ZNF707: variants seen among roughly 807,000 people sequenced by gnomAD.
The protein encoded by ZNF707 is zinc finger protein 707.
Under a neutral mutation model 13.3 loss-of-function variants are expected in ZNF707, and 8 were observed. The observed-to-expected ratio is 0.60, with a 90% CI of 0.35 to 1.09. ZNF707 has a LOEUF of 1.09. ZNF707 is among the 50% of genes least tolerant of loss of function. The pLI is 0.02. For missense variants in ZNF707, 530 were observed against 512.6 expected, an observed-to-expected ratio of 1.03 and a Z score of -0.33; for synonymous variants, 225 against 205.6, an observed-to-expected ratio of 1.09 and a Z score of -0.81.
chr8:143,691,994 C>A, intron 5 of ZNF707: 1 of 1,454,664 alleles, frequency 6.9e-7, no homozygotes, highest in Admixed American at 2.1e-5. Context: ...TTGAAGCCTG[C>A]ACCTAGCCAC....
chr8:143,690,076 G>A lies in ZNF707; in HGVS notation c.-33G>A, dbSNP rs1816663049. 8 of 1,609,214 alleles carry A rather than the reference G, an allele frequency of 5.0e-6. No homozygotes were observed. The highest frequency in any genetic ancestry group is 5.9e-6 in the Non-Finnish European group (7 of 1,179,784). On this transcript the variant is annotated 5_prime_UTR_variant, in exon 3 of 6. It adds an upstream start codon to the 5' untranslated region. Coordinates refer to ENST00000358656, the MANE Select transcript of ZNF707 (RefSeq NM_001100598.2). The stretch of plus-strand genomic sequence containing the variant: ...CCCCAGATCTGCCCTCCTTGGCACT[G>A]TGCTTCCCCAGAGGGGTGGCCTCGC...
At chr8:143,686,678 T>A (rs913838053) in intron 1 of ZNF707, among the ~76,000 whole-genome samples, 8 of 151,916 alleles carry the variant, frequency 5.3e-5, no homozygotes, top group African/African-American at 1.7e-4. Context: ...GAAAAAAAAA[T>A]TTAAACAATA....
At chr8:143,692,823 C>T (rs1388114623) in intron 5 of ZNF707, among the ~76,000 whole-genome samples, 4 of 96,892 alleles carry the variant, frequency 4.1e-5, no homozygotes, top group Non-Finnish European at 6.4e-5. Flanking sequence ...GTGGAGCCCC[C>T]GGCTGGGGAG....
Position 143,694,311 on chromosome 8 carries a change from C to A in ZNF707, c.897C>A (p.Thr299=). ...YCADCGKAFR[T]KENLSHHQRV... is the part of the protein sequence containing the mutation. Reference sequence around the variant, plus strand: ...CGGACTGCGGCAAAGCCTTCCGGACCAAGGAGAACCTCAGCCACCACCAGA... The same window carrying A: ...CGGACTGCGGCAAAGCCTTCCGGACAAAGGAGAACCTCAGCCACCACCAGA... The change falls in exon 6 of 6, where the codon ACC becomes ACA. Residue 299 remains threonine (T), a synonymous_variant. Transcript: ENST00000358656. The surrounding 1 kb of genome is among the most constrained non-coding windows in gnomAD (Gnocchi z 4.4). 1 of 1,601,426 alleles carries A rather than the reference C, an allele frequency of 6.2e-7. No individual in the cohort carries two copies. The highest frequency in any genetic ancestry group is 8.5e-7 in the Non-Finnish European group (1 of 1,172,186).
In ZNF707 at chr8:143,693,991, G is replaced by C; in HGVS notation, c.577G>C (p.Ala193Pro). The stretch of plus-strand genomic sequence containing the variant: ...GCTCAGCTGCCACAGCCGGCTGCTC[G>C]CTCACCAGACGGTGCACACGGGAAC... ...KALSCHSRLL[A>P]HQTVHTGTKA... Residue 193 changes from alanine to proline, a missense_variant, in exon 6 of 6, where the codon GCT becomes CCT. By Grantham distance (27) the Ala-to-Pro change is conservative. Transcript: ENST00000358656. This position sits in a 1 kb window ranked among gnomAD's most constrained non-coding sequence, Gnocchi z 4.1. The C allele has an allele frequency of 1.2e-6, 2 of 1,603,066 alleles. No homozygotes were observed. The highest frequency in any genetic ancestry group is 1.7e-6 in the Non-Finnish European group (2 of 1,176,376).
At chr8:143,686,884 T>G (rs1015245115) in intron 1 of ZNF707, 74 of 151,780 alleles carry the variant, frequency 4.9e-4, no homozygotes, top group African/African-American at 1.7e-3. Flanking sequence ...TTTTTTTTTT[T>G]TTTTGAGACG....
intron 1 of ZNF707, among the ~76,000 whole-genome samples, chr8:143,685,528 TA>T (rs71318618): frequency 0.022 from 2,838 of 128,192 alleles, 96 homozygotes; most frequent in African/African-American, 0.07. Context: ...ATCATCTTAT[TA>T]AAAAAAAAAA....
At position 143,693,911 on chromosome 8, in the gene ZNF707, G is replaced by A. The variant is rs1554614411; in HGVS notation, c.497G>A (p.Arg166His). The change falls in exon 6 of 6, where the codon CGC becomes CAC. Residue 166 changes from arginine to histidine, a missense_variant. Physicochemically the swap from Arg to His is conservative, Grantham distance 29. Coordinates refer to ENST00000358656, the MANE Select transcript of ZNF707 (RefSeq NM_001100598.2). The surrounding 1 kb of genome is among the most constrained non-coding windows in gnomAD (Gnocchi z 4.1). ...GGGCGGCGGCCGGGCCGCAGAGAGC[G>A]CCGGAAGCAGCGCGCAGTAGAGCTG... ...RCGRRPGRRE[R>H]RKQRAVELSF... is the part of the protein sequence containing the mutation. 1.9e-6 allele frequency: 3 copies of A among 1,606,596 alleles called. No individual in the cohort carries two copies. The highest frequency in any genetic ancestry group is 1.1e-5 in the South Asian group (1 of 90,692).
chr8:143,693,840 C>CGCCAA lies in ZNF707; in HGVS notation c.430_434dup (p.Thr146SerfsTer29). 6.2e-7 allele frequency: 1 copy of CGCCAA among 1,612,096 alleles called. No homozygotes were observed. Among genetic ancestry groups the CGCCAA allele is most frequent in the Non-Finnish European group, 8.5e-7 (1 of 1,179,462 alleles). On this transcript the variant is annotated frameshift_variant, in exon 6 of 6. Transcript: ENST00000358656. LOFTEE classifies it low-confidence loss of function (END_TRUNC). The surrounding 1 kb of genome is among the most constrained non-coding windows in gnomAD (Gnocchi z 4.1). ...CCAGAGCTGCTCCAGAAAGGACAGA[C>CGCCAA]GCCAAGCCCACGGCTTTCCCGTGTC...
intron 2 of ZNF707, 90 bp from the exon 3 acceptor site, chr8:143,689,967 C>A: frequency 9.8e-7 from 1 of 1,018,270 alleles, no homozygotes; most frequent in East Asian, 2.5e-5. Context: ...CTGAATTCCC[C>A]GTGATTTGCT....
chr8:143,691,494 CG>C, intron 4 of ZNF707, 105 bp from the exon 5 acceptor site: 1 of 1,303,912 alleles, frequency 7.7e-7, no homozygotes, highest in South Asian at 1.5e-5. Flanking sequence ...CAGGGCCTCC[CG>C]AGGGCTGGCC....
rs782193862 is a variant in ZNF707 at position 143,693,283 on chromosome 8, CTT to C, written c.257-374_257-373del. ...GCACACAGCAGGAGGGTCCTCTGGG[CTT>C]TTTTTTTTTTTTTGAGACGGAGTCT... On this transcript the variant is annotated intron_variant, in intron 5 of 5. Coordinates refer to ENST00000358656, the MANE Select transcript of ZNF707 (RefSeq NM_001100598.2). This position sits in a 1 kb window ranked among gnomAD's most constrained non-coding sequence, Gnocchi z 4.1. Among the ~76,000 whole-genome samples the C allele has an allele frequency of 1.1e-4, 15 of 141,738 alleles. No individual in the cohort carries two copies. The highest frequency in any genetic ancestry group is 1.4e-4 in the Admixed American group (2 of 14,192). The allele number at this position is 141,738 out of a possible 152,430, so 93.0% of individuals were successfully genotyped here. A position where few individuals can be genotyped will look rare whatever the true frequency, so the allele number is the denominator to read the frequency against.
At position 143,691,590 on chromosome 8, in the gene ZNF707, C is replaced by T. The variant is rs1554613634; in HGVS notation, c.143-10C>T. The stretch of plus-strand genomic sequence containing the variant: ...CAAGTAAAACAGAAACTTTTCTCTC[C>T]TTTGAGAAGGATTTTGCAGCCCCAG... On this transcript the variant is annotated splice_polypyrimidine_tract_variant and intron_variant, in intron 4 of 5. Coordinates refer to ENST00000358656, the MANE Select transcript of ZNF707 (RefSeq NM_001100598.2). 6.3e-7 allele frequency: 1 copy of T among 1,596,406 alleles called. No individual in the cohort carries two copies.
rs370404313 is a variant in ZNF707, at chr8:143,694,294, G to A, written c.880G>A (p.Gly294Ser). The part of the protein sequence containing the change: ...GERPFYCADC[G>S]KAFRTKENLS... The stretch of plus-strand genomic sequence containing the variant: ...GCGGCCGTTCTACTGCGCGGACTGC[G>A]GCAAAGCCTTCCGGACCAAGGAGAA... Residue 294 changes from glycine (G) to serine (S), a missense_variant, in exon 6 of 6, where the codon GGC becomes AGC. Transcript: ENST00000358656. The surrounding 1 kb of genome is among the most constrained non-coding windows in gnomAD (Gnocchi z 4.4). 8 of 1,599,168 alleles carry A rather than the reference G, an allele frequency of 5.0e-6. No homozygotes were observed. In the African/African-American group the frequency reaches 8.0e-5, roughly 16 times the overall value.
At chr8:143,687,678 A>G (rs1587374766) in intron 1 of ZNF707, among the ~76,000 whole-genome samples, 1 of 151,602 alleles carries the variant, frequency 6.6e-6, no homozygotes. Flanking sequence ...TGTTTTTTCT[A>G]CCTCCTTGCA....
chr8:143,692,121 G>A (rs1384321214), intron 5 of ZNF707: 1 of 1,316,760 alleles, frequency 7.6e-7, no homozygotes, highest in Non-Finnish European at 9.9e-7. Context: ...TGTGGCTCTG[G>A]GTAGGAGTTT....
rs1161690240 is a variant in ZNF707 at position 143,694,121 on chromosome 8, C to T, written c.707C>T (p.Ala236Val). The change falls in exon 6 of 6, where the codon GCC (alanine) becomes GTC (valine). Residue 236 changes from alanine to valine, a missense_variant. Transcript: ENST00000358656. The surrounding 1 kb of genome is among the most constrained non-coding windows in gnomAD (Gnocchi z 4.4). ...CGCGAGAAGCCCTTCTGCTGCGAGG[C>T]CTGCGGGCAGGCGTTCAGCCTGAAG... is the stretch of plus-strand genomic sequence containing the variant. The part of the protein sequence containing the change: ...HTREKPFCCE[A>V]CGQAFSLKDR... 1 of 1,600,696 alleles carries T rather than the reference C, an allele frequency of 6.2e-7. No homozygotes were observed. The highest frequency in any genetic ancestry group is 8.5e-7 in the Non-Finnish European group (1 of 1,173,922).
At chr8:143,691,743 G>T in intron 5 of ZNF707, 30 bp downstream of exon 5, 8 of 1,536,696 alleles carry the variant, frequency 5.2e-6, no homozygotes, top group Non-Finnish European at 6.2e-6. Flanking sequence ...GGCTCGGCGG[G>T]CCCCGTCCCT....
chr8:143,684,516 A>T lies in ZNF707; in HGVS notation c.-177A>T, dbSNP rs62524205. The T allele has an allele frequency of 0.092, 14,021 of 152,250 alleles. 882 individuals are homozygous for T. The highest frequency in any genetic ancestry group is 0.27 in the East Asian group (1,370 of 5,152). 9.4% of individuals were successfully genotyped at this position (152,250 alleles called of 1,614,324 possible). On this transcript the variant is annotated 5_prime_UTR_variant, in exon 1 of 6. Coordinates refer to ENST00000358656, the MANE Select transcript of ZNF707 (RefSeq NM_001100598.2). ...GCTACCGGCGCGGCGTAGTGGATGC[A>T]GCATCCTAGTGGAGGACGCCCCTGT...
Sources: gnomAD v4.1 joint callset for allele counts (sites outside exome capture counted in the v4.1 genomes callset) on GRCh38, gnomAD v4.1.1 for gene constraint, Gnocchi (gnomAD v3.1) non-coding constraint, MANE v1.5 for transcripts, NCBI Gene and HGNC (gene_info 2026-07-23, HGNC 2026-07-21) for gene names.